NXN: variants seen among roughly 807,000 people sequenced by gnomAD.
NXN encodes nucleoredoxin.
A neutral mutation model predicts 48.6 loss-of-function variants in NXN; 16 were observed. The ratio of observed to expected loss-of-function variants is 0.33; its 90% confidence interval spans 0.22 to 0.50. The LOEUF is 0.50. Ranked by LOEUF, NXN falls within the 20% of genes least tolerant of loss-of-function variation. The probability of loss-of-function intolerance (pLI) is 0.98; values close to 1 mark genes in which losing one functional copy is unlikely to be tolerated. For synonymous variants in NXN, 281 were observed against 269.6 expected (o/e 1.04, Z -0.41); for missense variants, 492 against 605.5 (o/e 0.81, Z 1.97).
chr17:820,972 G>A lies in NXN; in HGVS notation c.713+1385C>T, dbSNP rs1726759995. 2.7e-5 allele frequency among the ~76,000 whole-genome samples: 2 copies of A among 72,966 alleles called. 1 individual carries two copies. The highest frequency in any genetic ancestry group is 1.7e-4 in the African/African-American group (2 of 12,010). 47.9% of individuals were successfully genotyped at this position (72,966 alleles called of 152,430 possible). ...AAAAACTGACTGCTGCACCTGGCAC[G>A]GCTTCACGCTGAGACGGGAGCTGTG... On this transcript the variant is annotated intron_variant, in intron 4 of 7. Transcript: ENST00000336868.
chr17:942,259 T>C (rs1466958145), intron 1 of NXN, among the ~76,000 whole-genome samples: 2 of 125,142 alleles, frequency 1.6e-5, no homozygotes, highest in African/African-American at 3.2e-5. Flanking sequence ...CATCACACCT[T>C]CCTGGATTTA....
intron 1 of NXN, among the ~76,000 whole-genome samples, chr17:928,140 A>T (rs930182655): frequency 6.6e-6 from 1 of 152,150 alleles, no homozygotes; most frequent in African/African-American, 2.4e-5. Flanking sequence ...TGCCATAAGC[A>T]TGCGTCACTA....
At chr17:897,092 G>C in intron 1 of NXN, 1 of 1,036,480 alleles carries the variant, frequency 9.6e-7, no homozygotes, top group Non-Finnish European at 1.2e-6. Flanking sequence ...GGTAACCCAC[G>C]GCCACCGCGC....
At chr17:824,194 C>G (rs1912974228) in intron 2 of NXN, among the ~76,000 whole-genome samples, 1 of 152,158 alleles carries the variant, frequency 6.6e-6, no homozygotes, top group Non-Finnish European at 1.5e-5. Flanking sequence ...TGCCCGCCAC[C>G]AGGCCCGGCT....
At chr17:820,442 T>C (rs1287530051) in intron 4 of NXN, among the ~76,000 whole-genome samples, 2 of 114,384 alleles carry the variant, frequency 1.7e-5, no homozygotes, top group Non-Finnish European at 3.5e-5. Context: ...AAACCCCATC[T>C]CTACTAAAAA....
At chr17:812,610 G>GGCGCGAGTGTGCAT (rs1912142916) in intron 5 of NXN, among the ~76,000 whole-genome samples, 1 of 144,552 alleles carries the variant, frequency 6.9e-6, no homozygotes, top group African/African-American at 2.9e-5. Context: ...AGTGTGCATT[G>GGCGCGAGTGTGCAT]TGTGAGTGTA....
intron 1 of NXN, among the ~76,000 whole-genome samples, chr17:847,441 G>T (rs567840758): frequency 2.0e-5 from 3 of 152,108 alleles, no homozygotes; most frequent in Non-Finnish European, 4.4e-5. Context: ...AGAAGGGACC[G>T]TTCTGCACGG....
Position 958,433 on chromosome 17 carries a change from G to A in NXN, c.360+20886C>T, listed in dbSNP as rs1364128944. On this transcript the variant is annotated intron_variant, in intron 1 of 7. Coordinates refer to ENST00000336868, the MANE Select transcript of NXN (RefSeq NM_022463.5). The surrounding 1 kb of genome is among the most constrained non-coding windows in gnomAD (Gnocchi z 6.9). ...AGGCTGAAACAGGAGGATCGCTTGA[G>A]GCCAGGCGTTCAAAACCAGCCCGGG... 6.6e-6 allele frequency among the ~76,000 whole-genome samples: 1 copy of A among 152,166 alleles called. No individual in the cohort carries two copies.
intron 1 of NXN, among the ~76,000 whole-genome samples, chr17:942,142 C>A (rs1405473011): frequency 7.7e-6 from 1 of 129,746 alleles, no homozygotes; most frequent in Non-Finnish European, 1.6e-5. Flanking sequence ...TCACCAAACA[C>A]CTTCCTGGAT....
chr17:810,208 G>GTGCACGTTACGAGTCTGTGAGTGGCA lies in NXN; in HGVS notation c.821-4962_821-4961insTGCCACTCACAGACTCGTAACGTGCA. 1.5e-5 allele frequency among the ~76,000 whole-genome samples: 2 copies of GTGCACGTTACGAGTCTGTGAGTGGCA among 134,376 alleles called. 1 individual carries two copies. Among genetic ancestry groups the GTGCACGTTACGAGTCTGTGAGTGGCA allele is most frequent in the African/African-American group, 5.6e-5 (2 of 36,010 alleles). 88.2% of individuals were successfully genotyped at this position (134,376 alleles called of 152,430 possible). A position where few individuals can be genotyped will look rare whatever the true frequency, so the allele number is the denominator to read the frequency against. The stretch of plus-strand genomic sequence containing the variant: ...TGCATGTTACGAGTCTGTGAGTGGC[G>GTGCACGTTACGAGTCTGTGAGTGGCA]TGCACGTTACGAGTCCGTGTGAGTG... On this transcript the variant is annotated intron_variant, in intron 5 of 7. Coordinates refer to ENST00000336868, the MANE Select transcript of NXN (RefSeq NM_022463.5).
In NXN at chr17:979,600, C is replaced by T. The variant is rs748726426; in HGVS notation, c.79G>A (p.Gly27Ser). 6.2e-6 allele frequency: 9 copies of T among 1,454,750 alleles called. No homozygotes were observed. In the Admixed American group the frequency reaches 2.1e-4, roughly 33 times the overall value. 90.1% of individuals were successfully genotyped at this position (1,454,750 alleles called of 1,614,324 possible). The stretch of plus-strand genomic sequence containing the variant: ...CCCAGCAGCGAGATGCCGCGGGCGC[C>T]CAGCGAGTGCACGTCCACCTCCTCG... The part of the protein sequence containing the change: ...GGEEVDVHSL[G>S]ARGISLLGLY... The change falls in exon 1 of 8, where the codon GGC becomes AGC. Residue 27 changes from glycine (G) to serine (S), a missense_variant. Physicochemically the swap from Gly to Ser is moderately conservative, Grantham distance 56 (BLOSUM62 0). This residue lies in a region of NXN where 186 missense variants were observed against 199.1 expected (regional missense o/e 0.93). Coordinates refer to ENST00000336868, the MANE Select transcript of NXN (RefSeq NM_022463.5).
chr17:902,328 C>A (rs563594530), intron 1 of NXN, among the ~76,000 whole-genome samples: 1 of 152,218 alleles, frequency 6.6e-6, no homozygotes, highest in Non-Finnish European at 1.5e-5. Flanking sequence ...GTGAGATCCA[C>A]GAGGATCCGT....
intron 5 of NXN, among the ~76,000 whole-genome samples, chr17:807,763 G>T (rs889025681): frequency 1.3e-5 from 2 of 152,272 alleles, no homozygotes; most frequent in Non-Finnish European, 2.9e-5. Flanking sequence ...TGTCTGCTGT[G>T]CCAGGCTGCC....
intron 1 of NXN, among the ~76,000 whole-genome samples, chr17:834,947 A>G (rs72631493): frequency 0.077 from 11,568 of 150,944 alleles, 823 homozygotes; most frequent in East Asian, 0.34. Context: ...CCCAGGGTGC[A>G]TTCTCATGAT....
intron 1 of NXN, chr17:959,134 C>A: frequency 2.2e-6 from 1 of 464,264 alleles, no homozygotes; most frequent in Non-Finnish European, 3.5e-6. Context: ...TGGGGCCCAG[C>A]AACAAGAGCC....
intron 7 of NXN, 36 bp downstream of exon 7, chr17:803,646 A>AGCCAGCCCTGG: frequency 6.2e-7 from 1 of 1,613,464 alleles, no homozygotes; most frequent in Non-Finnish European, 8.5e-7. Flanking sequence ...GTCCCAGCTG[A>AGCCAGCCCTGG]GCCAGCCCTG....
chr17:949,687 C>T (rs553731073), intron 1 of NXN, among the ~76,000 whole-genome samples: 56 of 118,242 alleles, frequency 4.7e-4, no homozygotes, highest in African/African-American at 1.7e-3. Context: ...GTGGCCTCCT[C>T]CTCTCCCCCC....
chr17:811,509 T>G (rs911660412), intron 5 of NXN, among the ~76,000 whole-genome samples: 37 of 143,312 alleles, frequency 2.6e-4, no homozygotes, highest in South Asian at 4.5e-4. Context: ...GCCCCGGGGT[T>G]GGGGGGGGGG....
In NXN at chr17:929,789, C is replaced by T. The variant is rs536396372; in HGVS notation, c.360+49530G>A. The T allele has an allele frequency of 3.4e-5, 5 of 148,120 alleles. No individual in the cohort carries two copies. In the South Asian group the frequency reaches 8.6e-4, roughly 26 times the overall value. The allele number at this position is 148,120 out of a possible 1,614,324, so 9.2% of individuals were successfully genotyped here. A position where few individuals can be genotyped will look rare whatever the true frequency, so the allele number is the denominator to read the frequency against. ...GCGTTTGGAATCCTTGCTTCACTTC[C>T]GTTTTTAATCTTCTTAAAAAAAACT... On this transcript the variant is annotated intron_variant, in intron 1 of 7. Transcript: ENST00000336868.
Sources: gnomAD v4.1 joint callset for allele counts (sites outside exome capture counted in the v4.1 genomes callset) on GRCh38, gnomAD v4.1.1 for gene constraint, gnomAD v4.1.1 regional missense constraint, Gnocchi (gnomAD v3.1) non-coding constraint, MANE v1.5 for transcripts, NCBI Gene and HGNC (gene_info 2026-07-23, HGNC 2026-07-21) for gene names.